The following VWA3B variants were observed in gnomAD, a reference collection of about 807,000 sequenced individuals.
VWA3B encodes von Willebrand factor A domain-containing protein 3B.
Under a neutral mutation model 158.3 loss-of-function variants are expected in VWA3B, and 138 were observed. The observed-to-expected ratio is 0.87, with a 90% CI of 0.76 to 1.00. VWA3B has a LOEUF of 1.00. VWA3B is among the 50% of genes least tolerant of loss of function. VWA3B has a pLI of 0.00. For missense variants in VWA3B, 1,555 were observed against 1,565.1 expected, an observed-to-expected ratio of 0.99 and a Z score of 0.11; for synonymous variants, 596 against 587.3, an observed-to-expected ratio of 1.01 and a Z score of -0.21.
rs187050411 is a variant in VWA3B at position 98,104,156 on chromosome 2, A to G, written c.196+10868A>G. Among the ~76,000 whole-genome samples the G allele has an allele frequency of 2.8e-4, 43 of 152,326 alleles. No homozygotes were observed. The East Asian group carries it at 7.5e-3, about 27-fold the overall frequency. ...GAGTTGGTGTTTTTAATGCAGTTGC[A>G]TATGTCTTAATTAATTAATTCAACC... On this transcript the variant is annotated intron_variant, in intron 2 of 27. Transcript: ENST00000477737.
intron 21 of VWA3B, among the ~76,000 whole-genome samples, chr2:98,262,123 T>C (rs887421051): frequency 6.6e-6 from 1 of 151,704 alleles, no homozygotes; most frequent in Non-Finnish European, 1.5e-5. Flanking sequence ...TGAAACTGGG[T>C]TATGTTGTTG....
chr2:98,296,318 A>G (rs1689798033), intron 23 of VWA3B, among the ~76,000 whole-genome samples: 1 of 152,228 alleles, frequency 6.6e-6, no homozygotes, highest in Admixed American at 6.5e-5. Flanking sequence ...CCTGATTCTC[A>G]ATCAGGAGCG....
chr2:98,209,219 G>A (rs1004817441), intron 12 of VWA3B, among the ~76,000 whole-genome samples: 1 of 151,666 alleles, frequency 6.6e-6, no homozygotes, highest in Non-Finnish European at 1.5e-5. Flanking sequence ...ATCCTGTTTG[G>A]GATTTGCTTA....
intron 1 of VWA3B, among the ~76,000 whole-genome samples, chr2:98,089,890 T>A (rs1423501996): frequency 6.6e-6 from 1 of 152,164 alleles, no homozygotes; most frequent in East Asian, 1.9e-4. Context: ...TTAGCTATAC[T>A]GGAGAAGTTT....
At chr2:98,273,746 C>T (rs1688351206) in intron 22 of VWA3B, among the ~76,000 whole-genome samples, 2 of 152,202 alleles carry the variant, frequency 1.3e-5, no homozygotes, top group African/African-American at 4.8e-5. Context: ...ACGAGGATGA[C>T]AGACCATGGC....
At chr2:98,234,818 A>T in intron 17 of VWA3B, 51 bp downstream of exon 17, 1 of 1,611,916 alleles carries the variant, frequency 6.2e-7, no homozygotes, top group East Asian at 2.2e-5. Context: ...TCCACAGTGT[A>T]TCTGTTCCAG....
chr2:98,102,545 C>CT (rs1264993621), intron 2 of VWA3B, among the ~76,000 whole-genome samples: 1 of 152,144 alleles, frequency 6.6e-6, no homozygotes, highest in South Asian at 2.1e-4. Context: ...AGAGGCGCTC[C>CT]TCACTTCCCA....
chr2:98,139,026 G>T (rs912126552), intron 7 of VWA3B, among the ~76,000 whole-genome samples: 20 of 152,208 alleles, frequency 1.3e-4, no homozygotes, highest in Non-Finnish European at 2.9e-5. Flanking sequence ...CGGGAGCCGG[G>T]GCTGCGCGTG....
chr2:98,288,335 G>T (rs962700384), intron 22 of VWA3B, among the ~76,000 whole-genome samples: 4 of 152,188 alleles, frequency 2.6e-5, no homozygotes, highest in African/African-American at 9.6e-5. Flanking sequence ...GTGGGCAGTA[G>T]TTTCCATGTC....
intron 8 of VWA3B, among the ~76,000 whole-genome samples, chr2:98,163,518 T>C (rs1678816229): frequency 6.6e-6 from 1 of 151,934 alleles, no homozygotes; most frequent in African/African-American, 2.4e-5. Context: ...AGCCTAGCAA[T>C]GGAGAGAGAC....
At chr2:98,231,582 C>G (rs1250807233) in intron 16 of VWA3B, among the ~76,000 whole-genome samples, 1 of 152,182 alleles carries the variant, frequency 6.6e-6, no homozygotes, top group Non-Finnish European at 1.5e-5. Flanking sequence ...CTTAACCTCA[C>G]ATGTACCGTG....
intron 2 of VWA3B, among the ~76,000 whole-genome samples, chr2:98,105,839 C>G (rs184023843): frequency 2.6e-5 from 4 of 152,056 alleles, no homozygotes; most frequent in African/African-American, 9.6e-5. Flanking sequence ...CTTTGAATTG[C>G]TTTTGGATTT....
chr2:98,313,601 T>C (rs955317237), downstream of VWA3B, among the ~76,000 whole-genome samples: 2 of 152,228 alleles, frequency 1.3e-5, no homozygotes, highest in African/African-American at 4.8e-5. Context: ...CATACGTGCA[T>C]GCATGTGAGC....
In VWA3B at chr2:98,100,650, G is replaced by A. The variant is rs538523344; in HGVS notation, c.196+7362G>A. Among the ~76,000 whole-genome samples the A allele has an allele frequency of 5.9e-5, 9 of 152,248 alleles. 1 individual carries two copies. The highest frequency in any genetic ancestry group is 8.8e-5 in the Non-Finnish European group (6 of 68,010). On this transcript the variant is annotated intron_variant, in intron 2 of 27. Coordinates refer to ENST00000477737, the MANE Select transcript of VWA3B (RefSeq NM_144992.5). ...TCTAGAAGCTTAGTCCACGAGTACC[G>A]GCCTGCAGTCAAGGGCCATGTGGAT...
intron 9 of VWA3B, among the ~76,000 whole-genome samples, chr2:98,181,639 C>T (rs572646174): frequency 1.4e-4 from 22 of 152,200 alleles, no homozygotes; most frequent in South Asian, 4.1e-4. Flanking sequence ...AGCCAGCATA[C>T]AGCGCAATCC....
chr2:98,290,231 T>TGA (rs1689405581), intron 22 of VWA3B, among the ~76,000 whole-genome samples: 2 of 152,090 alleles, frequency 1.3e-5, no homozygotes, highest in African/African-American at 4.8e-5. Flanking sequence ...ATGGCCAGCA[T>TGA]GAGAGAGAGA....
At chr2:98,131,850 G>A (rs1330090344) in intron 6 of VWA3B, among the ~76,000 whole-genome samples, 1 of 152,148 alleles carries the variant, frequency 6.6e-6, no homozygotes, top group Non-Finnish European at 1.5e-5. Context: ...GCAGCCCCAG[G>A]AATTCTAATT....
Position 98,197,055 on chromosome 2 carries a change from C to A in VWA3B, c.1737+2563C>A, listed in dbSNP as rs558490241. 1.6e-4 allele frequency among the ~76,000 whole-genome samples: 25 copies of A among 152,290 alleles called. No homozygotes were observed. In the South Asian group the frequency reaches 5.0e-3, roughly 30 times the overall value. On this transcript the variant is annotated intron_variant, in intron 12 of 27. Transcript: ENST00000477737. ...TAATGTTCCTTTTATGTTCCAAGAT[C>A]CAGCCAAGGATCTCACATGACATTT...
chr2:98,228,685 C>T (rs1466434529), intron 15 of VWA3B, among the ~76,000 whole-genome samples: 1 of 152,056 alleles, frequency 6.6e-6, no homozygotes, highest in African/African-American at 2.4e-5. Flanking sequence ...GTGACTGTGG[C>T]GAGGCCCGAA....
Sources: allele counts gnomAD v4.1 joint callset (sites outside exome capture counted in the v4.1 genomes callset), GRCh38; gene constraint gnomAD v4.1.1; transcripts MANE v1.5; gene names NCBI Gene and HGNC (gene_info 2026-07-23, HGNC 2026-07-21).